RCAN2: variants seen among roughly 807,000 people sequenced by gnomAD.
RCAN2 encodes the protein calcipressin-2.
In RCAN2, 9 loss-of-function variants were observed where a neutral mutation model predicts 23.6. The observed-to-expected ratio is 0.38, with a 90% CI of 0.23 to 0.67. The LOEUF is 0.67. Ranked by LOEUF, RCAN2 falls within the 30% of genes least tolerant of loss-of-function variation. The probability of loss-of-function intolerance (pLI) is 0.51; values close to 1 mark genes in which losing one functional copy is unlikely to be tolerated. For missense variants in RCAN2, 273 were observed against 302.3 expected (o/e 0.90, Z 0.72); for synonymous variants, 109 against 115.7 (o/e 0.94, Z 0.37).
At chr6:46,419,778 C>A (rs1003391101) in intron 2 of RCAN2, among the ~76,000 whole-genome samples, 2 of 152,188 alleles carry the variant, frequency 1.3e-5, no homozygotes, top group African/African-American at 2.4e-5. Context: ...AGCCTCACGT[C>A]TTCAAACCAT....
At chr6:46,318,954 T>C (rs1012533953) in intron 2 of RCAN2, among the ~76,000 whole-genome samples, 4 of 152,184 alleles carry the variant, frequency 2.6e-5, no homozygotes, top group African/African-American at 4.8e-5. Context: ...AATGGGTATA[T>C]ATAACTTTGT....
rs185468037 is a variant in RCAN2 at position 46,373,156 on chromosome 6, T to G, written c.225+83596A>C. ...TTCTAAGAAATTACTGTTAATTAAT[T>G]TTTGTTGTTTTATTATAAGTTCAGT... is the stretch of plus-strand genomic sequence containing the variant. On this transcript the variant is annotated intron_variant, in intron 2 of 4. Transcript: ENST00000371374. Among the ~76,000 whole-genome samples, 40 of 152,306 alleles carry G rather than the reference T, an allele frequency of 2.6e-4. 1 individual carries two copies. In the East Asian group the frequency reaches 6.6e-3, roughly 25 times the overall value.
intron 2 of RCAN2, among the ~76,000 whole-genome samples, chr6:46,440,537 T>C (rs796639645): frequency 2.2e-4 from 34 of 152,258 alleles, no homozygotes; most frequent in African/African-American, 7.5e-4. Flanking sequence ...TGTTAAAAGA[T>C]GATTGTTAAA....
At position 46,434,429 on chromosome 6, in the gene RCAN2, G is replaced by GT. The variant is rs200264432; in HGVS notation, c.225+22322dup. ...CACTCTGGGGAGACCTTACATGACAGTTTTTTTTGGAATGAGGAAGGAATA... is the reference window on the plus strand; with the variant it reads ...CACTCTGGGGAGACCTTACATGACAGTTTTTTTTTGGAATGAGGAAGGAATA... On this transcript the variant is annotated intron_variant, in intron 2 of 4. Transcript: ENST00000371374. 4.4e-3 allele frequency among the ~76,000 whole-genome samples: 675 copies of GT among 151,956 alleles called. 4 individuals carry two copies. Among genetic ancestry groups the GT allele is most frequent in the African/African-American group, 0.015 (617 of 41,460 alleles).
At chr6:46,249,258 A>C (rs1766625493) in intron 2 of RCAN2, among the ~76,000 whole-genome samples, 2 of 151,628 alleles carry the variant, frequency 1.3e-5, no homozygotes, top group South Asian at 4.2e-4. Context: ...TGAGTAAAGC[A>C]TATGGTAAAT....
chr6:46,280,371 A>G (rs1434336865), intron 2 of RCAN2, among the ~76,000 whole-genome samples: 1 of 152,198 alleles, frequency 6.6e-6, no homozygotes, highest in Non-Finnish European at 1.5e-5. Context: ...AGGAATTGGC[A>G]CACCAGAACA....
At chr6:46,485,459 C>T (rs1768970119) in intron 1 of RCAN2, among the ~76,000 whole-genome samples, 1 of 152,150 alleles carries the variant, frequency 6.6e-6, no homozygotes, top group South Asian at 2.1e-4. Context: ...TTAATTCTCT[C>T]TTTTTATACT....
At chr6:46,385,835 C>G (rs1411589594) in intron 2 of RCAN2, among the ~76,000 whole-genome samples, 1 of 117,514 alleles carries the variant, frequency 8.5e-6, no homozygotes, top group East Asian at 2.7e-4. Flanking sequence ...CCAGCCTGGG[C>G]AGCAAAACAA....
intron 2 of RCAN2, among the ~76,000 whole-genome samples, chr6:46,436,357 C>T (rs1397736067): frequency 5.3e-5 from 8 of 152,256 alleles, no homozygotes; most frequent in African/African-American, 1.4e-4. Context: ...GGATTACAGG[C>T]GCGTGCCAGC....
intron 2 of RCAN2, 112 bp downstream of exon 2, chr6:46,456,640 C>A (rs1430498774): frequency 4.0e-6 from 3 of 742,350 alleles, no homozygotes; most frequent in Non-Finnish European, 6.8e-6. Context: ...AAAAATAGAG[C>A]CAACTAAACA....
At chr6:46,470,424 T>C (rs1234986352) in intron 1 of RCAN2, among the ~76,000 whole-genome samples, 1 of 152,220 alleles carries the variant, frequency 6.6e-6, no homozygotes, top group Non-Finnish European at 1.5e-5. Context: ...CGTTCACCAC[T>C]GGATTTATAA....
At chr6:46,442,792 G>A (rs778500592) in intron 2 of RCAN2, among the ~76,000 whole-genome samples, 4 of 152,128 alleles carry the variant, frequency 2.6e-5, no homozygotes, top group African/African-American at 7.2e-5. Flanking sequence ...TAGTTAAGTG[G>A]GACTTTTAGA....
chr6:46,466,848 T>A (rs1768401204), intron 1 of RCAN2, among the ~76,000 whole-genome samples: 1 of 152,174 alleles, frequency 6.6e-6, no homozygotes, highest in Non-Finnish European at 1.5e-5. Context: ...CTTACTTTGT[T>A]CTAAGGGCTT....
intron 2 of RCAN2, among the ~76,000 whole-genome samples, chr6:46,253,424 A>G (rs1218229835): frequency 6.6e-6 from 1 of 152,202 alleles, no homozygotes; most frequent in African/African-American, 2.4e-5. Context: ...TTCAAGTAAA[A>G]ATGGTGTTCC....
At chr6:46,378,818 G>T (rs930117951) in intron 2 of RCAN2, among the ~76,000 whole-genome samples, 1 of 152,164 alleles carries the variant, frequency 6.6e-6, no homozygotes, top group Non-Finnish European at 1.5e-5. Flanking sequence ...TTAGAACAAT[G>T]TTGGCATAAA....
chr6:46,367,172 A>C (rs1056294830), intron 2 of RCAN2, among the ~76,000 whole-genome samples: 1 of 150,918 alleles, frequency 6.6e-6, no homozygotes, highest in Non-Finnish European at 1.5e-5. Flanking sequence ...CCATCTCAAC[A>C]TGTAAATTAA....
intron 2 of RCAN2, among the ~76,000 whole-genome samples, chr6:46,399,423 G>A (rs1766185024): frequency 6.6e-6 from 1 of 150,538 alleles, no homozygotes; most frequent in Non-Finnish European, 1.5e-5. Context: ...AATTCCCCCT[G>A]TTACAACCCA....
intron 2 of RCAN2, among the ~76,000 whole-genome samples, chr6:46,357,959 CA>C (rs1273857242): frequency 6.6e-6 from 1 of 152,224 alleles, no homozygotes; most frequent in Non-Finnish European, 1.5e-5. Context: ...TCCTTTCCCT[CA>C]CCAGAGGATA....
chr6:46,264,972 C>T (rs1767272161), intron 2 of RCAN2, among the ~76,000 whole-genome samples: 1 of 152,216 alleles, frequency 6.6e-6, no homozygotes, highest in Non-Finnish European at 1.5e-5. Flanking sequence ...TCGTCAGTGA[C>T]AGAATGCAGA....
Sources: gnomAD v4.1 joint callset for allele counts (sites outside exome capture counted in the v4.1 genomes callset) on GRCh38, gnomAD v4.1.1 for gene constraint, MANE v1.5 for transcripts, NCBI Gene and HGNC (gene_info 2026-07-23, HGNC 2026-07-21) for gene names.